The following NUDT4 variants were observed in gnomAD, a reference collection of about 807,000 sequenced individuals.
NUDT4 encodes nudix hydrolase 4.
NUDT4 carries 5 observed loss-of-function variants against 23.1 expected under a neutral mutation model. The observed-to-expected ratio is 0.22, with a 90% CI of 0.11 to 0.46. NUDT4 has a LOEUF of 0.46. NUDT4 is among the 20% of genes least tolerant of loss of function. The pLI, the probability that NUDT4 is intolerant of heterozygous loss-of-function variation, is 0.99. For synonymous variants in NUDT4, 50 were observed against 79.0 expected (o/e 0.63, Z 1.95); for missense variants, 96 against 211.6 (o/e 0.45, Z 3.39).
At chr12:93,398,921 A>G (rs749551473) in intron 4 of NUDT4, 66 bp downstream of exon 4, 48 of 1,137,540 alleles carry the variant, frequency 4.2e-5, no homozygotes, top group Admixed American at 1.4e-4. Context: ...CTGTTAATAT[A>G]GGTAAGTTCC....
chr12:93,381,404 T>C (rs1234968215), intron 1 of NUDT4, among the ~76,000 whole-genome samples: 2 of 152,236 alleles, frequency 1.3e-5, no homozygotes, highest in Non-Finnish European at 2.9e-5. Flanking sequence ...CAGTGAAAGA[T>C]GACAATGCTT....
In NUDT4 at chr12:93,377,962, T is replaced by TCGCAACTGTCTC. The variant is rs1260087120; in HGVS notation, c.-357_-346dup. 1.2e-5 allele frequency: 3 copies of TCGCAACTGTCTC among 257,602 alleles called. No individual in the cohort carries two copies. The East Asian group carries it at 3.4e-4, about 29-fold the overall frequency. The allele number at this position is 257,602 out of a possible 1,614,324, so 16.0% of individuals were successfully genotyped here. ...GCTGCTGCTCAGTGGGAGCGGGTCT[T>TCGCAACTGTCTC]CGCAACTGTCTCCGCGTGGCGCGCG... On this transcript the variant is annotated 5_prime_UTR_variant, in exon 1 of 5. Coordinates refer to ENST00000415493, the MANE Select transcript of NUDT4 (RefSeq NM_019094.6).
At chr12:93,391,765 G>A (rs1876524714) in intron 1 of NUDT4, among the ~76,000 whole-genome samples, 1 of 152,058 alleles carries the variant, frequency 6.6e-6, no homozygotes. Context: ...TATGCACACT[G>A]GGAATTAAAC....
At chr12:93,395,750 C>T (rs12422756) in intron 3 of NUDT4, among the ~76,000 whole-genome samples, 24,885 of 152,038 alleles carry the variant, frequency 0.16, 2,372 homozygotes, top group African/African-American at 0.23. Flanking sequence ...AAGACAGAGT[C>T]TCGCTCTGTC....
intron 1 of NUDT4, among the ~76,000 whole-genome samples, chr12:93,383,150 T>C (rs1875811632): frequency 6.6e-6 from 1 of 151,094 alleles, no homozygotes; most frequent in Non-Finnish European, 1.5e-5. Flanking sequence ...ACCCCGTCAC[T>C]TTAAAACATT....
chr12:93,385,571 A>G (rs1428017173), intron 1 of NUDT4, among the ~76,000 whole-genome samples: 2 of 152,176 alleles, frequency 1.3e-5, no homozygotes, highest in East Asian at 1.9e-4. Flanking sequence ...TCTTTGTAGA[A>G]TGAGCTTTTA....
chr12:93,404,232 G>A lies in NUDT4; in HGVS notation c.*4853G>A, dbSNP rs577283282. 6.6e-6 allele frequency: 1 copy of A among 152,252 alleles called. No homozygotes were observed. The highest frequency in any genetic ancestry group is 6.5e-5 in the Admixed American group (1 of 15,300). The allele number at this position is 152,252 out of a possible 1,614,324, so 9.4% of individuals were successfully genotyped here. A position where few individuals can be genotyped will look rare whatever the true frequency, so the allele number is the denominator to read the frequency against. On this transcript the variant is annotated 3_prime_UTR_variant, in exon 5 of 5. Coordinates refer to ENST00000415493, the MANE Select transcript of NUDT4 (RefSeq NM_019094.6). ...GAATTCAACGTATCTACGGGAATGTGGACAAAGACATATACCAAGACAAGG... is the reference window on the plus strand; with the variant it reads ...GAATTCAACGTATCTACGGGAATGTAGACAAAGACATATACCAAGACAAGG...
intron 3 of NUDT4, among the ~76,000 whole-genome samples, chr12:93,397,511 T>C (rs564812061): frequency 6.6e-6 from 1 of 151,750 alleles, no homozygotes; most frequent in African/African-American, 2.4e-5. Context: ...ACAAGCTCAG[T>C]TGCCTGTTTT....
intron 2 of NUDT4, 47 bp from the exon 3 acceptor site, chr12:93,395,442 T>A: frequency 7.4e-7 from 1 of 1,343,638 alleles, no homozygotes; most frequent in South Asian, 1.2e-5. Flanking sequence ...TTATATACAT[T>A]TTGTTATAAA....
Position 93,399,210 on chromosome 12 carries a change from C to T in NUDT4, c.374C>T (p.Ala125Val). 1 of 1,601,850 alleles carries T rather than the reference C, an allele frequency of 6.2e-7. No homozygotes were observed. The change falls in exon 5 of 5, where the codon GCT (alanine) becomes GTT (valine). Residue 125 changes from alanine (A) to valine (V), a missense_variant. Transcript: ENST00000415493. ...RKREWFKVED[A>V]IKVLQCHKPV... The stretch of plus-strand genomic sequence containing the variant: ...AGAGAGTGGTTCAAAGTAGAAGATG[C>T]TATCAAAGTTCTCCAGTGTCATAAA...
chr12:93,378,769 G>A (rs950891461), intron 1 of NUDT4: 2 of 1,021,108 alleles, frequency 2.0e-6, no homozygotes, highest in Non-Finnish European at 2.3e-6. Context: ...CGAGTGCTCA[G>A]CGAGAGGAGG....
At chr12:93,396,160 T>TG (rs1876918939) in intron 3 of NUDT4, among the ~76,000 whole-genome samples, 1 of 152,226 alleles carries the variant, frequency 6.6e-6, no homozygotes, top group African/African-American at 2.4e-5. Context: ...ATTTTTAGTA[T>TG]GACCTAAGAG....
chr12:93,395,534 G>A lies in NUDT4; in HGVS notation c.255+1G>A. The A allele has an allele frequency of 6.2e-7, 1 of 1,605,830 alleles. No individual in the cohort carries two copies. Among genetic ancestry groups the A allele is most frequent in the Non-Finnish European group, 8.5e-7 (1 of 1,172,662 alleles). On this transcript the variant is annotated splice_donor_variant, in intron 3 of 4. Coordinates refer to ENST00000415493, the MANE Select transcript of NUDT4 (RefSeq NM_019094.6). LOFTEE classifies it high-confidence loss of function. ...AGGCAGACTTCTGGGCATATTTGAGGTGAGTTAAAAAGTAATCTTCACTTT... is the reference window on the plus strand; with the variant it reads ...AGGCAGACTTCTGGGCATATTTGAGATGAGTTAAAAAGTAATCTTCACTTT...
At chr12:93,398,908 A>C in intron 4 of NUDT4, 53 bp downstream of exon 4, 1 of 1,223,788 alleles carries the variant, frequency 8.2e-7, no homozygotes, top group Non-Finnish European at 1.2e-6. Flanking sequence ...GATTGGGAAG[A>C]TTCTGTTAAT....
chr12:93,384,850 A>G (rs547123066), intron 1 of NUDT4, among the ~76,000 whole-genome samples: 3 of 152,006 alleles, frequency 2.0e-5, no homozygotes, highest in South Asian at 4.2e-4. Context: ...TCCGCCTCCC[A>G]GGTTCAAGCC....
At chr12:93,396,052 G>A (rs945363137) in intron 3 of NUDT4, among the ~76,000 whole-genome samples, 1 of 152,136 alleles carries the variant, frequency 6.6e-6, no homozygotes, top group Non-Finnish European at 1.5e-5. Context: ...TTATGGTAGT[G>A]ATTACTTCTG....
intron 1 of NUDT4, among the ~76,000 whole-genome samples, chr12:93,380,042 G>A (rs1275469444): frequency 6.6e-6 from 1 of 152,196 alleles, no homozygotes; most frequent in African/African-American, 2.4e-5. Context: ...TTATAGGTGA[G>A]GAGACAGTTG....
Position 93,404,435 on chromosome 12 carries a change from C to A in NUDT4, c.*5056C>A, listed in dbSNP as rs1203978320. 2 of 152,218 alleles carry A rather than the reference C, an allele frequency of 1.3e-5. No individual in the cohort carries two copies. The highest frequency in any genetic ancestry group is 3.8e-4 in the East Asian group (2 of 5,200). The allele number at this position is 152,218 out of a possible 1,614,324, so 9.4% of individuals were successfully genotyped here. On this transcript the variant is annotated 3_prime_UTR_variant, in exon 5 of 5. Coordinates refer to ENST00000415493, the MANE Select transcript of NUDT4 (RefSeq NM_019094.6). ...GCTACTGAGTAGTATTTTATCACAG[C>A]TGCATACATACCCTTTCACCCAACA...
intron 2 of NUDT4, 129 bp downstream of exon 2, chr12:93,394,848 A>ATT: frequency 4.8e-5 from 24 of 499,742 alleles, no homozygotes; most frequent in East Asian, 1.1e-4. Flanking sequence ...TTTAATTTTA[A>ATT]TTTTTTTTTT....
Sources: gnomAD v4.1 joint callset for allele counts (sites outside exome capture counted in the v4.1 genomes callset) on GRCh38, gnomAD v4.1.1 for gene constraint, MANE v1.5 for transcripts, NCBI Gene and HGNC (gene_info 2026-07-23, HGNC 2026-07-21) for gene names.